CREG2: variants seen among roughly 807,000 people sequenced by gnomAD.
CREG2 encodes the protein protein CREG2.
Under a neutral mutation model 26.2 loss-of-function variants are expected in CREG2, and 24 were observed. The ratio of observed to expected loss-of-function variants is 0.92; its 90% CI spans 0.66 to 1.29. The LOEUF is 1.29. Ranked by LOEUF, CREG2 falls within the 50% of genes most tolerant of loss-of-function variation. The pLI is 0.00. For missense variants in CREG2, 366 were observed against 398.6 expected (o/e 0.92, Z 0.70); for synonymous variants, 174 against 169.2 (o/e 1.03, Z -0.22).
rs1473891357 is a variant in CREG2 at position 101,351,072 on chromosome 2, T to TGCAGGAATAAAGAGAGACC, written c.726-21_726-3dup. 1 of 1,613,676 alleles carries TGCAGGAATAAAGAGAGACC rather than the reference T, an allele frequency of 6.2e-7. No homozygotes were observed. Among genetic ancestry groups the TGCAGGAATAAAGAGAGACC allele is most frequent in the Admixed American group, 1.7e-5 (1 of 59,942 alleles). On this transcript the variant is annotated splice_region_variant and splice_polypyrimidine_tract_variant and intron_variant, in intron 3 of 3. Transcript: ENST00000324768. ...GGCCACTTCCTCATCCCTGGGTGCC[T>TGCAGGAATAAAGAGAGACC]GCAGGAATAAAGAGAGACCACAGTA...
In CREG2 at chr2:101,347,528, A is replaced by G. The variant is rs377457644; in HGVS notation, c.*3395T>C. ...TAGCAATTTTGGTAGCTATGTAGTG[A>G]TATCTCATTGTAGTATTAGTTTGCA... On this transcript the variant is annotated 3_prime_UTR_variant, in exon 4 of 4. Coordinates refer to ENST00000324768, the MANE Select transcript of CREG2 (RefSeq NM_153836.4). 6 of 152,100 alleles carry G rather than the reference A, an allele frequency of 3.9e-5. No individual in the cohort carries two copies. In the East Asian group the frequency reaches 1.2e-3, roughly 29 times the overall value. The allele number at this position is 152,100 out of a possible 1,614,324, so 9.4% of individuals were successfully genotyped here.
intron 2 of CREG2, among the ~76,000 whole-genome samples, chr2:101,378,458 C>T (rs1431864834): frequency 6.6e-6 from 1 of 152,210 alleles, no homozygotes; most frequent in Admixed American, 6.5e-5. Flanking sequence ...CATCCTTGCC[C>T]TTCAGGCAGT....
At chr2:101,360,854 A>G (rs1285218878) in intron 2 of CREG2, among the ~76,000 whole-genome samples, 1 of 152,226 alleles carries the variant, frequency 6.6e-6, no homozygotes, top group Admixed American at 6.5e-5. Flanking sequence ...GATGGAATGT[A>G]ATCTATGTAA....
At chr2:101,373,164 C>T (rs1400446492) in intron 2 of CREG2, among the ~76,000 whole-genome samples, 1 of 152,194 alleles carries the variant, frequency 6.6e-6, no homozygotes, top group African/African-American at 2.4e-5. Context: ...CATGAATGCT[C>T]ATAGCAGCAT....
chr2:101,368,634 G>A (rs555231683), intron 2 of CREG2, among the ~76,000 whole-genome samples: 2 of 152,180 alleles, frequency 1.3e-5, no homozygotes, highest in Admixed American at 1.3e-4. Context: ...AAGTTCTGAG[G>A]GTCAATGAAG....
rs773169357 is a variant in CREG2 at position 101,348,028 on chromosome 2, T to C, written c.*2895A>G. On this transcript the variant is annotated 3_prime_UTR_variant, in exon 4 of 4. Transcript: ENST00000324768. ...AAGGTTCATTTTATTTTCCTATGGATGTCCACTTACTCCACACTTATTGAA... is the reference window on the plus strand; with the variant it reads ...AAGGTTCATTTTATTTTCCTATGGACGTCCACTTACTCCACACTTATTGAA... 1 of 152,230 alleles carries C rather than the reference T, an allele frequency of 6.6e-6. No individual in the cohort carries two copies. Among genetic ancestry groups the C allele is most frequent in the South Asian group, 2.1e-4 (1 of 4,830 alleles). 9.4% of individuals were successfully genotyped at this position (152,230 alleles called of 1,614,324 possible).
At chr2:101,363,470 C>G (rs115120496) in intron 2 of CREG2, among the ~76,000 whole-genome samples, 1 of 152,028 alleles carries the variant, frequency 6.6e-6, no homozygotes, top group South Asian at 2.1e-4. Flanking sequence ...ACAAGGGATG[C>G]GTTTTTCTAA....
chr2:101,370,151 A>G (rs1684682172), intron 2 of CREG2, among the ~76,000 whole-genome samples: 1 of 152,134 alleles, frequency 6.6e-6, no homozygotes, highest in Non-Finnish European at 1.5e-5. Flanking sequence ...CTCATCTTTA[A>G]AAAGGTGCTA....
At chr2:101,356,170 A>G (rs1684455854) in intron 2 of CREG2, among the ~76,000 whole-genome samples, 1 of 152,068 alleles carries the variant, frequency 6.6e-6, no homozygotes, top group African/African-American at 2.4e-5. Flanking sequence ...GCATCTATCC[A>G]TCCTCTCCGA....
At position 101,382,797 on chromosome 2, in the gene CREG2, G is replaced by A. The variant is rs137908018; in HGVS notation, c.611+736C>T. 617 of 985,234 alleles carry A rather than the reference G, an allele frequency of 6.3e-4. 3 individuals are homozygous for A. In the Middle Eastern group the frequency reaches 0.012, roughly 19 times the overall value. The allele number at this position is 985,234 out of a possible 1,614,324, so 61.0% of individuals were successfully genotyped here. On this transcript the variant is annotated intron_variant, in intron 2 of 3. Transcript: ENST00000324768. ...ATTTTCTAAAGCATCACTACATTTA[G>A]GTGGAGTGACTAAGGTCCTGGAGGT...
chr2:101,363,294 A>G (rs999053552), intron 2 of CREG2, among the ~76,000 whole-genome samples: 1 of 152,194 alleles, frequency 6.6e-6, no homozygotes, highest in Non-Finnish European at 1.5e-5. Flanking sequence ...CTGAGGAGTC[A>G]TAAAGGACAC....
At position 101,387,254 on chromosome 2, in the gene CREG2, G is replaced by A. The variant is rs1312009600; in HGVS notation, c.204C>T (p.Ser68=). Residue 68 remains serine (S), a synonymous_variant, in exon 1 of 4, where the codon AGC becomes AGT. Coordinates refer to ENST00000324768, the MANE Select transcript of CREG2 (RefSeq NM_153836.4). This position sits in a 1 kb window ranked among gnomAD's most constrained non-coding sequence, Gnocchi z 4.7. ...AGGCGGGGAAGCTTTGCTGCCAGAT[G>A]CTGCCCGAATCCTCTAGCAGCGCGG... ...AMPALLEDSG[S]IWQQSFPASA... The A allele has an allele frequency of 1.4e-6, 2 of 1,459,102 alleles. No homozygotes were observed. The highest frequency in any genetic ancestry group is 2.3e-5 in the Admixed American group (1 of 44,194). 90.4% of individuals were successfully genotyped at this position (1,459,102 alleles called of 1,614,324 possible).
intron 2 of CREG2, chr2:101,382,518 A>C (rs1684892665): frequency 1.0e-6 from 1 of 984,870 alleles, no homozygotes; most frequent in South Asian, 4.7e-5. Flanking sequence ...AAGAACAGGG[A>C]GAATATTCCA....
intron 2 of CREG2, among the ~76,000 whole-genome samples, chr2:101,372,431 C>T (rs906521771): frequency 3.9e-5 from 6 of 152,318 alleles, no homozygotes; most frequent in Middle Eastern, 3.4e-3. Context: ...CGTCTTTATA[C>T]GTTTGGAGTA....
chr2:101,358,386 C>T (rs1228522305), intron 2 of CREG2, among the ~76,000 whole-genome samples: 1 of 152,102 alleles, frequency 6.6e-6, no homozygotes, highest in East Asian at 1.9e-4. Flanking sequence ...ATTCTTTATC[C>T]CAATATCTGA....
intron 2 of CREG2, among the ~76,000 whole-genome samples, chr2:101,359,701 G>A (rs1684513169): frequency 6.6e-6 from 1 of 152,180 alleles, no homozygotes; most frequent in African/African-American, 2.4e-5. Flanking sequence ...AAAAACAGTT[G>A]AAGAAATTTT....
intron 2 of CREG2, among the ~76,000 whole-genome samples, chr2:101,366,913 G>A (rs921613745): frequency 2.0e-5 from 3 of 152,144 alleles, no homozygotes; most frequent in African/African-American, 7.2e-5. Context: ...GGTATTATAA[G>A]TAATCTAGAG....
rs1258388928 is a variant in CREG2, at chr2:101,346,844, T to G, written c.*4079A>C. The G allele has an allele frequency of 6.6e-6, 1 of 152,200 alleles. No individual in the cohort carries two copies. 9.4% of individuals were successfully genotyped at this position (152,200 alleles called of 1,614,324 possible). On this transcript the variant is annotated 3_prime_UTR_variant, in exon 4 of 4. Coordinates refer to ENST00000324768, the MANE Select transcript of CREG2 (RefSeq NM_153836.4). ...GATCCTGTGTTCTTTTTACCCAGTT[T>G]TCCCCAATGGCACATCTTGCTAAAC...
At chr2:101,380,779 TA>T (rs35240660) in intron 2 of CREG2, among the ~76,000 whole-genome samples, 1 of 151,334 alleles carries the variant, frequency 6.6e-6, no homozygotes, top group Admixed American at 6.6e-5. Context: ...CCATCCCTAC[TA>T]AAAAAAATAC....
Sources: gnomAD v4.1 joint callset for allele counts (sites outside exome capture counted in the v4.1 genomes callset) on GRCh38, gnomAD v4.1.1 for gene constraint, Gnocchi (gnomAD v3.1) non-coding constraint, MANE v1.5 for transcripts, NCBI Gene and HGNC (gene_info 2026-07-23, HGNC 2026-07-21) for gene names.